BMP6: variants seen among roughly 807,000 people sequenced by gnomAD.
BMP6 encodes the protein VG-1-R.
In BMP6, 17 loss-of-function variants were observed where a neutral mutation model predicts 54.1. The ratio of observed to expected loss-of-function variants is 0.31; its 90% CI spans 0.22 to 0.47. The LOEUF is 0.47. BMP6 is among the 20% of genes least tolerant of loss of function. The pLI is 1.00. For synonymous variants in BMP6, 328 were observed against 291.2 expected (o/e 1.13, Z -1.28); for missense variants, 720 against 690.4 (o/e 1.04, Z -0.48).
At chr6:7,879,294 A>C in intron 5 of BMP6, 144 bp downstream of exon 5, 1 of 839,342 alleles carries the variant, frequency 1.2e-6, no homozygotes, top group Non-Finnish European at 1.9e-6. Context: ...GCCCTCCCAA[A>C]TGCTCAGGCT....
intron 1 of BMP6, among the ~76,000 whole-genome samples, chr6:7,841,747 A>C (rs1758973870): frequency 6.6e-6 from 1 of 152,224 alleles, no homozygotes. Context: ...CGTGGATGAC[A>C]CTAAGGAAGC....
chr6:7,800,314 T>C (rs541444199), intron 1 of BMP6, among the ~76,000 whole-genome samples: 6 of 152,318 alleles, frequency 3.9e-5, no homozygotes, highest in Middle Eastern at 3.4e-3. Flanking sequence ...TGAACTCTTA[T>C]GGAGAGAGCT....
intron 1 of BMP6, among the ~76,000 whole-genome samples, chr6:7,838,681 G>A (rs953080524): frequency 1.3e-5 from 2 of 152,118 alleles, no homozygotes; most frequent in Non-Finnish European, 2.9e-5. Flanking sequence ...GGTGGCTCAC[G>A]CCTGTAATCC....
intron 1 of BMP6, among the ~76,000 whole-genome samples, chr6:7,777,639 A>G (rs1170415745): frequency 2.0e-5 from 3 of 151,904 alleles, no homozygotes; most frequent in African/African-American, 4.8e-5. Context: ...TAAAACAAAC[A>G]CATAAACCAA....
chr6:7,733,936 C>T (rs1761915221), intron 1 of BMP6, among the ~76,000 whole-genome samples: 1 of 151,712 alleles, frequency 6.6e-6, no homozygotes, highest in Non-Finnish European at 1.5e-5. Context: ...TTCGAGAGTA[C>T]CAGAAATTCT....
At chr6:7,756,647 T>C (rs1757519356) in intron 1 of BMP6, among the ~76,000 whole-genome samples, 1 of 152,230 alleles carries the variant, frequency 6.6e-6, no homozygotes, top group Non-Finnish European at 1.5e-5. Flanking sequence ...GTTATATTCC[T>C]TTTTAAAAAG....
intron 1 of BMP6, among the ~76,000 whole-genome samples, chr6:7,754,903 A>G (rs912055224): frequency 1.3e-5 from 2 of 151,974 alleles, no homozygotes; most frequent in African/African-American, 2.4e-5. Flanking sequence ...TATTTTTAGT[A>G]GAGACCGGGT....
intron 1 of BMP6, among the ~76,000 whole-genome samples, chr6:7,813,469 A>AAAC (rs1288850491): frequency 6.9e-6 from 1 of 145,462 alleles, no homozygotes; most frequent in Non-Finnish European, 1.5e-5. Flanking sequence ...AAAAAAAAAA[A>AAAC]AAAAAAAAAA....
intron 1 of BMP6, among the ~76,000 whole-genome samples, chr6:7,800,836 T>A (rs1204969460): frequency 6.7e-6 from 1 of 150,230 alleles, no homozygotes; most frequent in Non-Finnish European, 1.5e-5. Context: ...TTTCTAGGGT[T>A]CTAGGGCCAA....
chr6:7,865,664 T>C (rs1720592261), intron 4 of BMP6, among the ~76,000 whole-genome samples: 1 of 152,180 alleles, frequency 6.6e-6, no homozygotes, highest in Admixed American at 6.5e-5. Flanking sequence ...TGGGCCTTCA[T>C]GAACCAGGTA....
At chr6:7,855,786 C>T (rs940011175) in intron 2 of BMP6, among the ~76,000 whole-genome samples, 112 of 152,024 alleles carry the variant, frequency 7.4e-4, no homozygotes, top group African/African-American at 2.6e-3. Context: ...GCCTCAGCCT[C>T]CCACGGTGCT....
chr6:7,875,915 C>G (rs975911949), intron 4 of BMP6, among the ~76,000 whole-genome samples: 5 of 152,204 alleles, frequency 3.3e-5, no homozygotes, highest in African/African-American at 1.2e-4. Flanking sequence ...TAGACACTGG[C>G]TGCCGTACTA....
chr6:7,807,960 G>T (rs1376885610), intron 1 of BMP6, among the ~76,000 whole-genome samples: 1 of 110,880 alleles, frequency 9.0e-6, no homozygotes, highest in Non-Finnish European at 1.7e-5. Context: ...TTGCTCTGTT[G>T]CCCAGGCTGG....
rs73381662 is a variant in BMP6 at position 7,814,280 on chromosome 6, C to G, written c.665-30860C>G. On this transcript the variant is annotated intron_variant, in intron 1 of 6. Transcript: ENST00000283147. The stretch of plus-strand genomic sequence containing the variant: ...TATATCTGCAGAATCCCTATTGCCA[C>G]GTAACTTAATCAGGACATGACATCT... 8.5e-3 allele frequency among the ~76,000 whole-genome samples: 1,299 copies of G among 152,332 alleles called. 24 individuals carry two copies. Among genetic ancestry groups the G allele is most frequent in the African/African-American group, 0.029 (1,222 of 41,570 alleles).
chr6:7,828,655 T>C (rs1226097514), intron 1 of BMP6, among the ~76,000 whole-genome samples: 1 of 152,226 alleles, frequency 6.6e-6, no homozygotes, highest in Non-Finnish European at 1.5e-5. Context: ...ACACCTGCTA[T>C]GTGCAGGTAC....
At chr6:7,781,037 C>T (rs1178869183) in intron 1 of BMP6, among the ~76,000 whole-genome samples, 1 of 152,190 alleles carries the variant, frequency 6.6e-6, no homozygotes, top group Non-Finnish European at 1.5e-5. Context: ...ATCTGTACCT[C>T]TTAACGACTT....
chr6:7,840,842 G>A (rs903500226), intron 1 of BMP6, among the ~76,000 whole-genome samples: 9 of 152,090 alleles, frequency 5.9e-5, no homozygotes, highest in Admixed American at 1.3e-4. Context: ...ACACAGCGCC[G>A]CATTCAGGAG....
chr6:7,861,610 A>G lies in BMP6; in HGVS notation c.1006+11A>G, dbSNP rs775090146. 2 of 1,613,676 alleles carry G rather than the reference A, an allele frequency of 1.2e-6. No individual in the cohort carries two copies. Among genetic ancestry groups the G allele is most frequent in the South Asian group, 1.1e-5 (1 of 91,032 alleles). ...TGGTGACAAGGGATGGTAAGTTATT[A>G]TCCGCAAGCCTCCAACGTCCAGCAA... On this transcript the variant is annotated intron_variant, in intron 3 of 6. Coordinates refer to ENST00000283147, the MANE Select transcript of BMP6 (RefSeq NM_001718.6).
chr6:7,880,613 TCTTC>T lies in BMP6; in HGVS notation c.*273_*276del. 1 of 477,796 alleles carries T rather than the reference TCTTC, an allele frequency of 2.1e-6. No homozygotes were observed. The highest frequency in any genetic ancestry group is 2.9e-5 in the South Asian group (1 of 34,662). 29.6% of individuals were successfully genotyped at this position (477,796 alleles called of 1,614,324 possible). ...AACTGCAGAAACATAACCGTGAAGCTCTTCCTACCCTCCTCCCCCAAAAACCCAC... is the reference window on the plus strand; with the variant it reads ...AACTGCAGAAACATAACCGTGAAGCTCTACCCTCCTCCCCCAAAAACCCAC... On this transcript the variant is annotated 3_prime_UTR_variant, in exon 7 of 7. Coordinates refer to ENST00000283147, the MANE Select transcript of BMP6 (RefSeq NM_001718.6).
Sources: allele counts gnomAD v4.1 joint callset (sites outside exome capture counted in the v4.1 genomes callset), GRCh38; gene constraint gnomAD v4.1.1; transcripts MANE v1.5; gene names NCBI Gene and HGNC (gene_info 2026-07-23, HGNC 2026-07-21).